The following RNF157 variants were observed in gnomAD, a reference collection of about 807,000 sequenced individuals.
The protein encoded by RNF157 is E3 ubiquitin ligase RNF157.
Under a neutral mutation model 88.3 loss-of-function variants are expected in RNF157, and 55 were observed. The observed-to-expected ratio is 0.62, with a 90% confidence interval of 0.50 to 0.78. RNF157 has a LOEUF of 0.78. RNF157 is among the 30% of genes least tolerant of loss of function. RNF157 has a pLI of 0.00. For synonymous variants in RNF157, 334 were observed against 341.2 expected (o/e 0.98, Z 0.23); for missense variants, 788 against 860.8 (o/e 0.92, Z 1.06).
chr17:76,145,018 C>G lies in RNF157; in HGVS notation c.*217G>C. ...ATTCCAGAGTCCCTGCAAAAGGTCT[C>G]GTGAGCTGCAGTTCATTGAGTGGCT... On this transcript the variant is annotated 3_prime_UTR_variant, in exon 19 of 19. Coordinates refer to ENST00000269391, the MANE Select transcript of RNF157 (RefSeq NM_052916.3). 1 of 516,698 alleles carries G rather than the reference C, an allele frequency of 1.9e-6. No individual in the cohort carries two copies. 32.0% of individuals were successfully genotyped at this position (516,698 alleles called of 1,614,324 possible). A position where few individuals can be genotyped will look rare whatever the true frequency, so the allele number is the denominator to read the frequency against.
chr17:76,230,931 T>C (rs559431926), intron 1 of RNF157, among the ~76,000 whole-genome samples: 1 of 131,294 alleles, frequency 7.6e-6, no homozygotes, highest in South Asian at 2.4e-4. Context: ...TTAAAAGATT[T>C]AATCTTTTTT....
rs1169195752 is a variant in RNF157, at chr17:76,144,238, G to A, written c.*997C>T. On this transcript the variant is annotated 3_prime_UTR_variant, in exon 19 of 19. Coordinates refer to ENST00000269391, the MANE Select transcript of RNF157 (RefSeq NM_052916.3). ...AATGTCACCTTAGGATGGAGTTGCA[G>A]GCCTCCCTGAATGCACCTGATCAGG... The A allele has an allele frequency of 6.6e-6, 1 of 152,144 alleles. No homozygotes were observed. The highest frequency in any genetic ancestry group is 1.5e-5 in the Non-Finnish European group (1 of 68,040). 9.4% of individuals were successfully genotyped at this position (152,144 alleles called of 1,614,324 possible). A position where few individuals can be genotyped will look rare whatever the true frequency, so the allele number is the denominator to read the frequency against.
chr17:76,204,557 C>T (rs903920436), intron 2 of RNF157, among the ~76,000 whole-genome samples: 44 of 152,188 alleles, frequency 2.9e-4, no homozygotes, highest in African/African-American at 7.7e-4. Flanking sequence ...CCGGGACTAA[C>T]AGAATCATGT....
At chr17:76,224,104 G>A (rs761026414) in intron 1 of RNF157, among the ~76,000 whole-genome samples, 10 of 152,244 alleles carry the variant, frequency 6.6e-5, no homozygotes, top group East Asian at 1.9e-4. Flanking sequence ...TTTTTGAAGC[G>A]AAAGCCCAAA....
intron 1 of RNF157, among the ~76,000 whole-genome samples, chr17:76,228,118 G>A (rs762940847): frequency 1.3e-5 from 2 of 151,830 alleles, no homozygotes; most frequent in Non-Finnish European, 2.9e-5. Flanking sequence ...AACCATTTAT[G>A]GAATATTCCA....
At chr17:76,152,643 C>CT in intron 17 of RNF157, 178 bp from the exon 18 acceptor site, 2 of 562,990 alleles carry the variant, frequency 3.6e-6, no homozygotes, top group Non-Finnish European at 6.4e-6. Flanking sequence ...GTGGGCATGT[C>CT]TGTGTTCTCG....
At chr17:76,219,156 CA>C (rs1441878104) in intron 1 of RNF157, among the ~76,000 whole-genome samples, 1 of 151,392 alleles carries the variant, frequency 6.6e-6, no homozygotes, top group African/African-American at 2.4e-5. Context: ...AGGAAACTAA[CA>C]GACAAAAATA....
intron 1 of RNF157, among the ~76,000 whole-genome samples, chr17:76,213,701 G>A (rs1384602909): frequency 1.3e-5 from 2 of 151,922 alleles, no homozygotes; most frequent in East Asian, 3.9e-4. Context: ...TCACTGGAAA[G>A]AAAAGGCAGG....
chr17:76,153,299 C>A lies in RNF157; in HGVS notation c.1811-834G>T, dbSNP rs1568022769. ...ACTGAGTTGGTGACACTCCAAACCCCCTTGGGCTGGGGTGCAAGAGCTGAC... is the reference window on the plus strand; with the variant it reads ...ACTGAGTTGGTGACACTCCAAACCCACTTGGGCTGGGGTGCAAGAGCTGAC... On this transcript the variant is annotated intron_variant, in intron 17 of 18. Transcript: ENST00000269391. The A allele has an allele frequency of 2.0e-5, 3 of 152,286 alleles. No individual in the cohort carries two copies. In the South Asian group the frequency reaches 6.2e-4, roughly 32 times the overall value. 9.4% of individuals were successfully genotyped at this position (152,286 alleles called of 1,614,324 possible). A position where few individuals can be genotyped will look rare whatever the true frequency, so the allele number is the denominator to read the frequency against.
intron 3 of RNF157, among the ~76,000 whole-genome samples, chr17:76,173,473 C>T (rs979079666): frequency 3.3e-5 from 5 of 152,072 alleles, no homozygotes; most frequent in African/African-American, 7.2e-5. Context: ...TCTAGGCAAG[C>T]GAAAGTTTTT....
intron 2 of RNF157, among the ~76,000 whole-genome samples, chr17:76,206,422 G>C (rs2069683023): frequency 6.6e-6 from 1 of 152,150 alleles, no homozygotes; most frequent in South Asian, 2.1e-4. Flanking sequence ...TTTTGTAACT[G>C]ATTCACAGAT....
chr17:76,236,662 T>C (rs1263491721), intron 1 of RNF157, among the ~76,000 whole-genome samples: 4 of 152,176 alleles, frequency 2.6e-5, no homozygotes, highest in Non-Finnish European at 4.4e-5. Context: ...ACCTAATGCA[T>C]AACATTATTC....
chr17:76,214,316 T>C (rs2069852066), intron 1 of RNF157, among the ~76,000 whole-genome samples: 1 of 152,188 alleles, frequency 6.6e-6, no homozygotes, highest in East Asian at 1.9e-4. Flanking sequence ...ACAGAAGTTT[T>C]CTGTGCTGCT....
intron 1 of RNF157, among the ~76,000 whole-genome samples, chr17:76,233,186 C>G (rs1171629215): frequency 6.6e-6 from 1 of 152,152 alleles, no homozygotes. Context: ...TCCCAAAGTG[C>G]TGGGATTACA....
At chr17:76,210,505 G>A (rs2069772169) in intron 2 of RNF157, among the ~76,000 whole-genome samples, 2 of 139,510 alleles carry the variant, frequency 1.4e-5, no homozygotes, top group Admixed American at 1.5e-4. Flanking sequence ...CAGGAGAATG[G>A]CGTGAACCCG....
intron 1 of RNF157, among the ~76,000 whole-genome samples, chr17:76,228,797 T>G (rs1212211085): frequency 1.3e-5 from 2 of 151,904 alleles, no homozygotes; most frequent in Non-Finnish European, 2.9e-5. Flanking sequence ...GGTGGGCGCC[T>G]GTAATCCCAG....
chr17:76,205,164 G>T (rs2069659702), intron 2 of RNF157, among the ~76,000 whole-genome samples: 1 of 148,844 alleles, frequency 6.7e-6, no homozygotes. Flanking sequence ...TTTTTGACAG[G>T]GTCATGCTCT....
rs879804492 is a variant in RNF157, at chr17:76,157,631, T to C, written c.1413+762A>G. On this transcript the variant is annotated intron_variant, in intron 13 of 18. Coordinates refer to ENST00000269391, the MANE Select transcript of RNF157 (RefSeq NM_052916.3). This position sits in a 1 kb window ranked among gnomAD's most constrained non-coding sequence, Gnocchi z 5.6. ...CTTTTTTATAAAATTTACTTAGTCA[T>C]TGAACAAATACTTACTGAGCAACAA... Among the ~76,000 whole-genome samples the C allele has an allele frequency of 3.3e-5, 5 of 152,228 alleles. No homozygotes were observed. The highest frequency in any genetic ancestry group is 5.9e-5 in the Non-Finnish European group (4 of 68,042).
rs2068722569 is a variant in RNF157 at position 76,154,014 on chromosome 17, T to C, written c.1810+269A>G. 11 of 413,930 alleles carry C rather than the reference T, an allele frequency of 2.7e-5. No individual in the cohort carries two copies. The Admixed American group carries it at 3.9e-4, about 15-fold the overall frequency. 25.6% of individuals were successfully genotyped at this position (413,930 alleles called of 1,614,324 possible). On this transcript the variant is annotated intron_variant, in intron 17 of 18. Transcript: ENST00000269391. ...CTGCTTAGAGAGCTTCCGAATCTAC[T>C]TCAGGTAAATATGGACCTGTATGTA...
Sources: allele counts gnomAD v4.1 joint callset (sites outside exome capture counted in the v4.1 genomes callset), GRCh38; gene constraint gnomAD v4.1.1; non-coding constraint Gnocchi (gnomAD v3.1); transcripts MANE v1.5; gene names NCBI Gene and HGNC (gene_info 2026-07-23, HGNC 2026-07-21).